SGMS1: variants seen among roughly 807,000 people sequenced by gnomAD.
SGMS1 encodes the protein sphingomyelin synthase 1, also known as phosphatidylcholine:ceramide cholinephosphotransferase 1.
In SGMS1, 13 loss-of-function variants were observed where a neutral mutation model predicts 46.2. The observed-to-expected ratio is 0.28, with a 90% CI of 0.18 to 0.45. The LOEUF is 0.45. SGMS1 is among the 20% of genes least tolerant of loss of function. SGMS1 has a pLI of 1.00. For synonymous variants in SGMS1, 203 were observed against 187.8 expected, an observed-to-expected ratio of 1.08 and a Z score of -0.66; for missense variants, 324 against 519.9, an observed-to-expected ratio of 0.62 and a Z score of 3.66.
chr10:50,440,737 G>A (rs888709561), intron 5 of SGMS1, among the ~76,000 whole-genome samples: 3 of 152,136 alleles, frequency 2.0e-5, no homozygotes, highest in Non-Finnish European at 4.4e-5. Context: ...AGCCTCCTGA[G>A]TAGCTGGGAC....
chr10:50,457,258 C>T (rs1221249908), intron 5 of SGMS1, among the ~76,000 whole-genome samples: 1 of 152,154 alleles, frequency 6.6e-6, no homozygotes, highest in South Asian at 2.1e-4. Flanking sequence ...AAAAGGCATA[C>T]ATCTTCATAG....
chr10:50,480,225 G>C (rs901053047), intron 3 of SGMS1, among the ~76,000 whole-genome samples: 8 of 152,006 alleles, frequency 5.3e-5, no homozygotes, highest in Non-Finnish European at 7.4e-5. Flanking sequence ...AAAGCTTTCT[G>C]GTTTTGGTCC....
intron 1 of SGMS1, among the ~76,000 whole-genome samples, chr10:50,620,396 C>T (rs1261872034): frequency 4.6e-5 from 7 of 152,206 alleles, no homozygotes; most frequent in African/African-American, 1.7e-4. Context: ...ACTGTTATGG[C>T]TATAGCTACC....
chr10:50,421,320 G>T (rs1849252165), intron 6 of SGMS1, among the ~76,000 whole-genome samples: 1 of 152,034 alleles, frequency 6.6e-6, no homozygotes, highest in South Asian at 2.1e-4. Flanking sequence ...CCATACCTAG[G>T]GATAGTGAGT....
At chr10:50,326,857 A>G (rs1847540002) in intron 8 of SGMS1, among the ~76,000 whole-genome samples, 1 of 152,156 alleles carries the variant, frequency 6.6e-6, no homozygotes, top group African/African-American at 2.4e-5. Flanking sequence ...AAAATGGAAA[A>G]AATGTCACTT....
intron 5 of SGMS1, among the ~76,000 whole-genome samples, chr10:50,451,009 TA>T (rs71029310): frequency 0.56 from 84,850 of 151,764 alleles, 24,030 homozygotes; most frequent in Non-Finnish European, 0.58. Context: ...TAAGTAATTT[TA>T]AAGTCTGAAA....
chr10:50,493,229 T>A (rs1303271904), intron 3 of SGMS1, among the ~76,000 whole-genome samples: 1 of 152,190 alleles, frequency 6.6e-6, no homozygotes, highest in African/African-American at 2.4e-5. Context: ...GGATTCCCTA[T>A]TCAATAAATG....
intron 2 of SGMS1, among the ~76,000 whole-genome samples, chr10:50,537,419 G>A (rs980627594): frequency 3.4e-5 from 5 of 148,168 alleles, no homozygotes; most frequent in African/African-American, 1.2e-4. Flanking sequence ...GCATCATCCT[G>A]TTTCTTTTCT....
chr10:50,612,049 C>G (rs1291992358), intron 1 of SGMS1, among the ~76,000 whole-genome samples: 1 of 152,230 alleles, frequency 6.6e-6, no homozygotes, highest in Non-Finnish European at 1.5e-5. Context: ...TTCAGCTAGC[C>G]CTCCCCACCA....
At chr10:50,591,118 C>G (rs1838536989) in intron 1 of SGMS1, among the ~76,000 whole-genome samples, 2 of 152,210 alleles carry the variant, frequency 1.3e-5, no homozygotes, top group Admixed American at 6.5e-5. Context: ...AGTCATACTC[C>G]TGTTGCCATG....
At chr10:50,365,386 A>T (rs1452376367) in intron 6 of SGMS1, among the ~76,000 whole-genome samples, 1 of 152,128 alleles carries the variant, frequency 6.6e-6, no homozygotes, top group African/African-American at 2.4e-5. Context: ...TTAATATAAC[A>T]TATTCTAAAA....
intron 2 of SGMS1, among the ~76,000 whole-genome samples, chr10:50,562,462 T>C (rs949689020): frequency 1.3e-4 from 20 of 152,130 alleles, no homozygotes; most frequent in African/African-American, 3.9e-4. Context: ...CACAGGTGGT[T>C]GGTAGACCAT....
intron 2 of SGMS1, among the ~76,000 whole-genome samples, chr10:50,522,968 T>C (rs1433326215): frequency 1.3e-5 from 2 of 152,024 alleles, no homozygotes; most frequent in Non-Finnish European, 2.9e-5. Context: ...TAAACTCCAG[T>C]CTCTGCTTTC....
rs537584054 is a variant in SGMS1 at position 50,566,117 on chromosome 10, A to G, written c.-589+24036T>C. 3.3e-5 allele frequency among the ~76,000 whole-genome samples: 5 copies of G among 152,386 alleles called. No homozygotes were observed. In the South Asian group the frequency reaches 1.0e-3, roughly 32 times the overall value. On this transcript the variant is annotated intron_variant, in intron 2 of 10. Transcript: ENST00000361781. ...TAAGTTCTCATTTGCAACCAAGAAT[A>G]CATGGATGGGGTGGGAAAGTTTTGA...
At chr10:50,527,458 G>C (rs571054509) in intron 2 of SGMS1, among the ~76,000 whole-genome samples, 1 of 152,158 alleles carries the variant, frequency 6.6e-6, no homozygotes, top group African/African-American at 2.4e-5. Context: ...GAGGCACAGA[G>C]AGAAAATATA....
chr10:50,391,047 C>T (rs1311673963), intron 6 of SGMS1, among the ~76,000 whole-genome samples: 1 of 152,172 alleles, frequency 6.6e-6, no homozygotes, highest in Non-Finnish European at 1.5e-5. Flanking sequence ...TGCCAAGAAG[C>T]GTGTAGTTTG....
intron 1 of SGMS1, among the ~76,000 whole-genome samples, chr10:50,621,664 G>C (rs1410196744): frequency 6.6e-6 from 1 of 152,236 alleles, no homozygotes; most frequent in Non-Finnish European, 1.5e-5. Flanking sequence ...CATCTCTGGA[G>C]TTAATGTCTT....
intron 7 of SGMS1, chr10:50,341,266 A>G: frequency 8.8e-6 from 4 of 453,408 alleles, no homozygotes; most frequent in South Asian, 6.2e-5. Flanking sequence ...TCACTGCTTG[A>G]TGTGTCATCT....
At chr10:50,395,451 T>C (rs1363577634) in intron 6 of SGMS1, among the ~76,000 whole-genome samples, 3 of 152,168 alleles carry the variant, frequency 2.0e-5, no homozygotes, top group Admixed American at 1.3e-4. Flanking sequence ...TTAGCCAACC[T>C]AAGCTTGGCA....
Sources: allele counts gnomAD v4.1 joint callset (sites outside exome capture counted in the v4.1 genomes callset), GRCh38; gene constraint gnomAD v4.1.1; transcripts MANE v1.5; gene names NCBI Gene and HGNC (gene_info 2026-07-23, HGNC 2026-07-21).